Variants in SRGAP3 observed in about 807,000 individuals in gnomAD.
SRGAP3 encodes the protein SLIT-ROBO Rho GTPase activating protein 3, also known as SLIT-ROBO Rho GTPase-activating protein 3.
In SRGAP3, 39 loss-of-function variants were observed where a neutral mutation model predicts 121.1. The ratio of observed to expected loss-of-function variants is 0.32; its 90% CI spans 0.25 to 0.42. The LOEUF (loss-of-function observed/expected upper bound fraction) is 0.42, where lower values mean the gene tolerates loss of function less well. Among genes scored for constraint, SRGAP3 ranks in the 10% least tolerant of loss-of-function variants. SRGAP3 has a pLI of 1.00. For missense variants in SRGAP3, 1,213 were observed against 1,470.6 expected, an observed-to-expected ratio of 0.82 and a Z score of 2.86; for synonymous variants, 601 against 570.0, an observed-to-expected ratio of 1.05 and a Z score of -0.77.
At chr3:9,277,288 T>C (rs183651617) in intron 3 of SRGAP3, among the ~76,000 whole-genome samples, 20 of 152,250 alleles carry the variant, frequency 1.3e-4, no homozygotes, top group Non-Finnish European at 2.2e-4. Flanking sequence ...TGCCCACGGT[T>C]ACTGCTATGT....
chr3:9,107,938 G>A (rs946799226), intron 2 of SRGAP3, among the ~76,000 whole-genome samples: 16 of 152,228 alleles, frequency 1.1e-4, no homozygotes, highest in African/African-American at 3.9e-4. Flanking sequence ...GGGTCTTGAA[G>A]GATGGGTAGG....
chr3:9,348,385 C>T (rs1955945166), intron 1 of SRGAP3: 2 of 519,408 alleles, frequency 3.9e-6, no homozygotes, highest in Non-Finnish European at 7.1e-6. Context: ...TTTAAAAAGA[C>T]AAATGTGCCT....
chr3:9,082,275 G>A (rs139310031), intron 3 of SRGAP3, among the ~76,000 whole-genome samples: 15 of 152,304 alleles, frequency 9.8e-5, no homozygotes, highest in African/African-American at 3.6e-4. Flanking sequence ...AGAACTGTGA[G>A]CCAATTAAAC....
chr3:9,296,808 G>A (rs529956317), intron 3 of SRGAP3, among the ~76,000 whole-genome samples: 2 of 152,306 alleles, frequency 1.3e-5, no homozygotes, highest in African/African-American at 4.8e-5. Flanking sequence ...CATCCCTGAA[G>A]TATTAGTGAT....
In SRGAP3 at chr3:8,985,498, C is replaced by T. The variant is rs760849011; in HGVS notation, c.*21G>A. 8 of 1,597,648 alleles carry T rather than the reference C, an allele frequency of 5.0e-6. No homozygotes were observed. Among genetic ancestry groups the T allele is most frequent in the African/African-American group, 4.0e-5 (3 of 74,836 alleles). On this transcript the variant is annotated 3_prime_UTR_variant, in exon 22 of 22. Coordinates refer to ENST00000383836, the MANE Select transcript of SRGAP3 (RefSeq NM_014850.4). This position sits in a 1 kb window ranked among gnomAD's most constrained non-coding sequence, Gnocchi z 5.1. ...CGTGGTGAGCCACAGCGGGCCACGG[C>T]GGCGCGGCCCATCCTGCAGGTCACA...
At chr3:9,047,358 C>G (rs1225299246) in intron 10 of SRGAP3, 33 bp downstream of exon 10, 7 of 1,609,848 alleles carry the variant, frequency 4.3e-6, no homozygotes, top group Non-Finnish European at 5.9e-6. Flanking sequence ...GGGAACGCAG[C>G]ACCTCCCAGA....
intron 2 of SRGAP3, among the ~76,000 whole-genome samples, chr3:9,111,585 G>A (rs957932278): frequency 1.3e-5 from 2 of 152,180 alleles, no homozygotes; most frequent in Non-Finnish European, 2.9e-5. Flanking sequence ...GGCTCACAAT[G>A]GGACTGCAGG....
intron 1 of SRGAP3, among the ~76,000 whole-genome samples, chr3:9,346,688 T>C (rs193117218): frequency 6.6e-6 from 1 of 152,110 alleles, no homozygotes; most frequent in Admixed American, 6.5e-5. Flanking sequence ...GGTAAGTTAC[T>C]GACTATAAGA....
chr3:9,015,735 A>G lies in SRGAP3; in HGVS notation c.1679-4T>C. On this transcript the variant is annotated splice_region_variant and splice_polypyrimidine_tract_variant and intron_variant, in intron 14 of 21. Coordinates refer to ENST00000383836, the MANE Select transcript of SRGAP3 (RefSeq NM_014850.4). ...TCGTCCACAAGGGGGTCTTCACCTG[A>G]GTGGAAACAAGAGACGAGATGATAT... 1.9e-6 allele frequency: 3 copies of G among 1,614,118 alleles called. No individual in the cohort carries two copies. The highest frequency in any genetic ancestry group is 1.7e-6 in the Non-Finnish European group (2 of 1,180,028).
chr3:9,245,459 C>G (rs184226191), intron 1 of SRGAP3, among the ~76,000 whole-genome samples: 11 of 152,276 alleles, frequency 7.2e-5, no homozygotes, highest in Admixed American at 5.2e-4. Context: ...TGGTAGCGAA[C>G]CATCCTATTA....
chr3:9,060,128 G>C, intron 6 of SRGAP3, 103 bp downstream of exon 6: 4 of 1,578,892 alleles, frequency 2.5e-6, no homozygotes, highest in South Asian at 1.1e-5. Context: ...GTGGCTACCC[G>C]AGAATGTCAG....
At chr3:9,090,290 G>A (rs1947698124) in intron 3 of SRGAP3, among the ~76,000 whole-genome samples, 1 of 151,984 alleles carries the variant, frequency 6.6e-6, no homozygotes, top group Admixed American at 6.6e-5. Context: ...CGATTACGAA[G>A]ACCTGCATAC....
At chr3:9,094,730 T>C (rs1947900338) in intron 3 of SRGAP3, among the ~76,000 whole-genome samples, 1 of 152,190 alleles carries the variant, frequency 6.6e-6, no homozygotes, top group Non-Finnish European at 1.5e-5. Context: ...GCATCTTTTC[T>C]TATATCACTG....
upstream of SRGAP3, among the ~76,000 whole-genome samples, chr3:9,252,276 G>T (rs1954034944): frequency 6.6e-6 from 1 of 152,086 alleles, no homozygotes; most frequent in South Asian, 2.1e-4. Flanking sequence ...GGTATAGCCT[G>T]CAGAACCATG....
At chr3:9,127,503 A>G (rs761032709) in intron 1 of SRGAP3, among the ~76,000 whole-genome samples, 12 of 152,174 alleles carry the variant, frequency 7.9e-5, no homozygotes, top group Non-Finnish European at 1.6e-4. Context: ...GCTGGAGTGC[A>G]GCGGCCCGAT....
chr3:9,101,610 C>T (rs950451609), intron 3 of SRGAP3, among the ~76,000 whole-genome samples: 4 of 152,170 alleles, frequency 2.6e-5, no homozygotes, highest in Admixed American at 6.5e-5. Context: ...CCACAAAAAA[C>T]GGGAAACAGA....
intron 14 of SRGAP3, among the ~76,000 whole-genome samples, chr3:9,016,529 C>T (rs952448421): frequency 6.6e-6 from 1 of 152,182 alleles, no homozygotes; most frequent in Non-Finnish European, 1.5e-5. Context: ...TCAGGCTGTC[C>T]TGCTGCTGGT....
At chr3:9,312,964 C>G (rs140847841) in intron 3 of SRGAP3, among the ~76,000 whole-genome samples, 175 of 152,176 alleles carry the variant, frequency 1.1e-3, no homozygotes, top group African/African-American at 4.0e-3. Flanking sequence ...TGCACTACGG[C>G]CTGGGTGACA....
At chr3:9,141,945 CA>C (rs1274872914) in intron 1 of SRGAP3, among the ~76,000 whole-genome samples, 1 of 152,178 alleles carries the variant, frequency 6.6e-6, no homozygotes, top group Non-Finnish European at 1.5e-5. Flanking sequence ...GAAAAAAATA[CA>C]AAATCATTAT....
Sources: gnomAD v4.1 joint callset for allele counts (sites outside exome capture counted in the v4.1 genomes callset) on GRCh38, gnomAD v4.1.1 for gene constraint, Gnocchi (gnomAD v3.1) non-coding constraint, MANE v1.5 for transcripts, NCBI Gene and HGNC (gene_info 2026-07-23, HGNC 2026-07-21) for gene names.